The following CDH12 variants were observed in gnomAD, a reference collection of about 807,000 sequenced individuals.
The protein encoded by CDH12 is cadherin 12.
A neutral mutation model predicts 74.1 loss-of-function variants in CDH12; 41 were observed. That is an observed-to-expected ratio of 0.55 (90% CI 0.43 to 0.72). CDH12 has a LOEUF of 0.72. Among genes scored for constraint, CDH12 ranks in the 30% least tolerant of loss-of-function variants. CDH12 has a pLI of 0.00. For missense variants in CDH12, 945 were observed against 977.2 expected, an observed-to-expected ratio of 0.97 and a Z score of 0.44; for synonymous variants, 399 against 355.0, an observed-to-expected ratio of 1.12 and a Z score of -1.39.
At chr5:22,422,367 T>A (rs1179571056) in intron 2 of CDH12, among the ~76,000 whole-genome samples, 1 of 152,168 alleles carries the variant, frequency 6.6e-6, no homozygotes, top group Non-Finnish European at 1.5e-5. Flanking sequence ...TTTCTTTAGT[T>A]CTGTTTATAT....
At chr5:22,106,484 T>C (rs933252612) in intron 4 of CDH12, among the ~76,000 whole-genome samples, 4 of 152,166 alleles carry the variant, frequency 2.6e-5, no homozygotes, top group African/African-American at 9.6e-5. Flanking sequence ...TAATGTTATA[T>C]AATATAACAA....
intron 4 of CDH12, among the ~76,000 whole-genome samples, chr5:22,164,363 G>A (rs1189884054): frequency 3.3e-5 from 5 of 152,222 alleles, no homozygotes; most frequent in Non-Finnish European, 7.3e-5. Context: ...ACTTAGCTGT[G>A]CAGGAACAAT....
intron 1 of CDH12, among the ~76,000 whole-genome samples, chr5:22,801,910 T>C (rs1289313363): frequency 6.6e-6 from 1 of 151,478 alleles, no homozygotes; most frequent in African/African-American, 2.4e-5. Flanking sequence ...CCTTACTTCC[T>C]CCTTTTCGTT....
chr5:22,431,997 GCCCTAGGCGTTCAAATTCACTCA>G (rs1320077320), intron 2 of CDH12, among the ~76,000 whole-genome samples: 2 of 152,080 alleles, frequency 1.3e-5, no homozygotes, highest in Admixed American at 1.3e-4. Context: ...ATACAGTAAT[GCCCTAGGCGTTCAAATTCACTCA>G]CCCTAGGCGT....
At chr5:22,520,258 T>G (rs1487498640) in intron 1 of CDH12, among the ~76,000 whole-genome samples, 1 of 152,196 alleles carries the variant, frequency 6.6e-6, no homozygotes, top group Admixed American at 6.5e-5. Context: ...TATTTTTATT[T>G]ACCTATTCAA....
At chr5:21,865,358 C>T (rs77624923) in intron 6 of CDH12, among the ~76,000 whole-genome samples, 119 of 152,246 alleles carry the variant, frequency 7.8e-4, no homozygotes, top group African/African-American at 2.7e-3. Context: ...GGTGGCCAAG[C>T]TACCCTTTGC....
chr5:21,981,071 T>C (rs1267391650), intron 5 of CDH12, among the ~76,000 whole-genome samples: 1 of 152,168 alleles, frequency 6.6e-6, no homozygotes, highest in Non-Finnish European at 1.5e-5. Context: ...TAAAAATACA[T>C]ATATAAAATT....
intron 1 of CDH12, among the ~76,000 whole-genome samples, chr5:22,710,553 C>T (rs369274): frequency 0.7 from 106,274 of 151,472 alleles, 37,449 homozygotes; most frequent in Admixed American, 0.75. Flanking sequence ...TCTCAGCCTC[C>T]TGAGGGTAAG....
chr5:22,390,105 C>G (rs1663319), intron 3 of CDH12, among the ~76,000 whole-genome samples: 51,166 of 151,852 alleles, frequency 0.34, 10,106 homozygotes, highest in Admixed American at 0.46. Flanking sequence ...CAAACATCAT[C>G]TAGGTATTTT....
intron 1 of CDH12, among the ~76,000 whole-genome samples, chr5:22,703,081 C>T (rs1408727263): frequency 6.6e-6 from 1 of 152,080 alleles, no homozygotes; most frequent in African/African-American, 2.4e-5. Context: ...GCAGGATAAC[C>T]TCCCACATCT....
At chr5:22,176,997 T>C (rs1749371013) in intron 4 of CDH12, among the ~76,000 whole-genome samples, 1 of 152,126 alleles carries the variant, frequency 6.6e-6, no homozygotes, top group African/African-American at 2.4e-5. Flanking sequence ...CACAGGCATA[T>C]GCTCATATCT....
At chr5:22,198,859 A>G (rs1280557703) in intron 4 of CDH12, among the ~76,000 whole-genome samples, 1 of 150,276 alleles carries the variant, frequency 6.7e-6, no homozygotes, top group Non-Finnish European at 1.5e-5. Flanking sequence ...GAAATGTTTA[A>G]CAAACCCGAC....
chr5:22,078,383 C>T, intron 5 of CDH12, 63 bp downstream of exon 5: 1 of 1,438,206 alleles, frequency 7.0e-7, no homozygotes, highest in South Asian at 1.2e-5. Flanking sequence ...AACATCCATA[C>T]AAAATACACA....
chr5:22,448,549 A>G (rs1296258811), intron 2 of CDH12, among the ~76,000 whole-genome samples: 1 of 152,110 alleles, frequency 6.6e-6, no homozygotes, highest in African/African-American at 2.4e-5. Flanking sequence ...GAAAAATAAT[A>G]AGAGGATTTC....
At chr5:21,842,596 C>T (rs1313676914) in intron 7 of CDH12, among the ~76,000 whole-genome samples, 1 of 152,046 alleles carries the variant, frequency 6.6e-6, no homozygotes, top group Non-Finnish European at 1.5e-5. Flanking sequence ...AGGTAGTCAT[C>T]ATTCATAAGT....
At chr5:21,864,130 T>C (rs1302293061) in intron 6 of CDH12, among the ~76,000 whole-genome samples, 2 of 69,900 alleles carry the variant, frequency 2.9e-5, no homozygotes, top group Non-Finnish European at 5.9e-5. Context: ...AGAAAGAATA[T>C]GTGTGTGTGT....
chr5:22,213,508 C>A (rs1751664814), intron 3 of CDH12: 1 of 152,156 alleles, frequency 6.6e-6, no homozygotes, highest in Non-Finnish European at 1.5e-5. Flanking sequence ...ATGAGAGGAT[C>A]GAAAATATCT....
chr5:22,426,830 T>C (rs987657720), intron 2 of CDH12, among the ~76,000 whole-genome samples: 6 of 152,218 alleles, frequency 3.9e-5, no homozygotes, highest in Non-Finnish European at 7.3e-5. Context: ...AAAGCCACAC[T>C]GTAAGACTTT....
At chr5:22,713,115 A>G (rs867430682) in intron 1 of CDH12, among the ~76,000 whole-genome samples, 4 of 135,714 alleles carry the variant, frequency 2.9e-5, no homozygotes, top group Non-Finnish European at 4.8e-5. Flanking sequence ...TACTTTCCAT[A>G]TGATCTTATG....
Sources: allele counts gnomAD v4.1 joint callset (sites outside exome capture counted in the v4.1 genomes callset), GRCh38; gene constraint gnomAD v4.1.1; transcripts MANE v1.5; gene names NCBI Gene and HGNC (gene_info 2026-07-23, HGNC 2026-07-21).